GPATCH8: variants seen among roughly 807,000 people sequenced by gnomAD.
GPATCH8 encodes G patch domain-containing protein 8.
In GPATCH8, 18 loss-of-function variants were observed where a neutral mutation model predicts 118.3. The ratio of observed to expected loss-of-function variants is 0.15; its 90% CI spans 0.11 to 0.23. GPATCH8 has a LOEUF of 0.23. GPATCH8 is among the 10% of genes least tolerant of loss of function. The pLI is 1.00. For missense variants in GPATCH8, 1,631 were observed against 1,873.8 expected, an observed-to-expected ratio of 0.87 and a Z score of 2.39; for synonymous variants, 659 against 684.7, an observed-to-expected ratio of 0.96 and a Z score of 0.59.
At chr17:44,437,997 T>TACA (rs2050573444) in intron 3 of GPATCH8, among the ~76,000 whole-genome samples, 1 of 146,526 alleles carries the variant, frequency 6.8e-6, no homozygotes, top group Non-Finnish European at 1.5e-5. Flanking sequence ...TTCTTTTAGA[T>TACA]ACAATCAAAG....
chr17:44,412,741 G>A (rs2049491423), intron 6 of GPATCH8, among the ~76,000 whole-genome samples: 1 of 152,116 alleles, frequency 6.6e-6, no homozygotes, highest in Admixed American at 6.6e-5. Flanking sequence ...CACTATTTCT[G>A]GCTAAGCATA....
chr17:44,444,913 C>T (rs977036124), intron 3 of GPATCH8, among the ~76,000 whole-genome samples: 18 of 152,170 alleles, frequency 1.2e-4, no homozygotes, highest in Non-Finnish European at 2.2e-4. Context: ...ATGTTCGTAG[C>T]GGGTCTGAAA....
In GPATCH8 at chr17:44,398,334, C is replaced by T; in HGVS notation, c.3743G>A (p.Ser1248Asn). ...TISHNYLPDPSDGDTLESLDS... is the reference protein window; with the variant it reads ...TISHNYLPDPNDGDTLESLDS... ...CAGGGACTCCAGGGTGTCCCCATCA[C>T]TGGGGTCGGGGAGGTAGTTATGGGA... The change falls in exon 8 of 8, where the codon AGT (serine) becomes AAT (asparagine). Residue 1248 changes from serine (S) to asparagine (N), a missense_variant. By Grantham distance (46) the Ser-to-Asn change is conservative. Coordinates refer to ENST00000591680, the MANE Select transcript of GPATCH8 (RefSeq NM_001002909.4). 1 of 1,614,096 alleles carries T rather than the reference C, an allele frequency of 6.2e-7. No individual in the cohort carries two copies. The highest frequency in any genetic ancestry group is 8.5e-7 in the Non-Finnish European group (1 of 1,180,008).
Position 44,400,340 on chromosome 17 carries a change from T to A in GPATCH8, c.1737A>T (p.Ser579=). The change falls in exon 8 of 8, where the codon TCA becomes TCT. Residue 579 remains serine, a synonymous_variant. Transcript: ENST00000591680. The part of the protein sequence containing the change: ...CNPLYFDFKL[S]RNKDARTKGT... ...CTTTAGTTCTGGCATCTTTGTTCCTTGAAAGTTTAAAGTCAAAATATAAAG... is the reference window on the plus strand; with the variant it reads ...CTTTAGTTCTGGCATCTTTGTTCCTAGAAAGTTTAAAGTCAAAATATAAAG... The A allele has an allele frequency of 6.2e-7, 1 of 1,614,176 alleles. No individual in the cohort carries two copies. The highest frequency in any genetic ancestry group is 8.5e-7 in the Non-Finnish European group (1 of 1,179,978).
At chr17:44,457,807 C>T (rs960688574) in intron 3 of GPATCH8, among the ~76,000 whole-genome samples, 3 of 152,024 alleles carry the variant, frequency 2.0e-5, no homozygotes, top group South Asian at 2.1e-4. Flanking sequence ...GTTCGCCGGG[C>T]GCAGTGGCTC....
At chr17:44,404,144 ATTCT>A (rs2049131111) in intron 7 of GPATCH8, among the ~76,000 whole-genome samples, 1 of 151,958 alleles carries the variant, frequency 6.6e-6, no homozygotes, top group Admixed American at 6.6e-5. Flanking sequence ...TAAAAAGGGG[ATTCT>A]TTTTTTTGAG....
intron 1 of GPATCH8, among the ~76,000 whole-genome samples, chr17:44,497,878 T>G (rs908986246): frequency 6.6e-6 from 1 of 151,440 alleles, no homozygotes; most frequent in Non-Finnish European, 1.5e-5. Context: ...AGGTGGAGAC[T>G]GCATGAGCCA....
At chr17:44,482,788 AAAACT>A (rs1438936894) in intron 1 of GPATCH8, among the ~76,000 whole-genome samples, 1 of 152,032 alleles carries the variant, frequency 6.6e-6, no homozygotes, top group Non-Finnish European at 1.5e-5. Flanking sequence ...GTTAATTTTC[AAAACT>A]AAACTAAAAA....
chr17:44,402,193 G>A (rs1359855782), intron 7 of GPATCH8, among the ~76,000 whole-genome samples: 1 of 149,950 alleles, frequency 6.7e-6, no homozygotes, highest in Non-Finnish European at 1.5e-5. Context: ...GGTGGCGGGC[G>A]TCTGTAATCC....
intron 3 of GPATCH8, among the ~76,000 whole-genome samples, chr17:44,452,916 C>T (rs951735072): frequency 6.6e-6 from 1 of 151,990 alleles, no homozygotes; most frequent in Admixed American, 6.6e-5. Flanking sequence ...CCTCGTCGAC[C>T]TTCTGGGCTC....
rs1486128982 is a variant in GPATCH8, at chr17:44,424,507, A to T, written c.349-15T>A. 1 of 1,589,286 alleles carries T rather than the reference A, an allele frequency of 6.3e-7. No homozygotes were observed. The highest frequency in any genetic ancestry group is 1.3e-5 in the African/African-American group (1 of 74,490). Reference sequence around the variant, plus strand: ...TCAACATAATCCTTCAAGACCCATGAAATACAAAGAAACAAAAAATGAACT... The same window carrying T: ...TCAACATAATCCTTCAAGACCCATGTAATACAAAGAAACAAAAAATGAACT... On this transcript the variant is annotated splice_polypyrimidine_tract_variant and intron_variant, in intron 5 of 7. Coordinates refer to ENST00000591680, the MANE Select transcript of GPATCH8 (RefSeq NM_001002909.4).
At chr17:44,442,834 T>TGGG (rs36117533) in intron 3 of GPATCH8, among the ~76,000 whole-genome samples, 2,775 of 152,268 alleles carry the variant, frequency 0.018, 91 homozygotes, top group African/African-American at 0.064. Context: ...TCCCAGCACT[T>TGGG]GGGGAGGCCA....
At chr17:44,422,817 G>A (rs2049959597) in intron 6 of GPATCH8, among the ~76,000 whole-genome samples, 1 of 151,874 alleles carries the variant, frequency 6.6e-6, no homozygotes, top group African/African-American at 2.4e-5. Context: ...TGAAAAACTG[G>A]AAAAGGTCCT....
chr17:44,451,520 TAA>T (rs1412638859), intron 3 of GPATCH8, among the ~76,000 whole-genome samples: 1 of 152,126 alleles, frequency 6.6e-6, no homozygotes, highest in African/African-American at 2.4e-5. Flanking sequence ...CTGAATTAGG[TAA>T]AAGAGACACA....
intron 7 of GPATCH8, among the ~76,000 whole-genome samples, chr17:44,401,835 C>T (rs1224688769): frequency 6.6e-6 from 1 of 151,924 alleles, no homozygotes; most frequent in African/African-American, 2.4e-5. Flanking sequence ...GAAACCCTGT[C>T]TCTACTAAAA....
intron 1 of GPATCH8, among the ~76,000 whole-genome samples, chr17:44,493,217 T>A (rs1969412756): frequency 6.6e-6 from 1 of 152,086 alleles, no homozygotes; most frequent in Non-Finnish European, 1.5e-5. Context: ...TGCACCACTA[T>A]GCTCAGCTAA....
Position 44,399,067 on chromosome 17 carries a change from C to A in GPATCH8, c.3010G>T (p.Gly1004Cys), listed in dbSNP as rs2048897325. 5 of 1,614,122 alleles carry A rather than the reference C, an allele frequency of 3.1e-6. No homozygotes were observed. Among genetic ancestry groups the A allele is most frequent in the Non-Finnish European group, 4.2e-6 (5 of 1,180,024 alleles). Residue 1004 changes from glycine (G) to cysteine (C), a missense_variant, in exon 8 of 8, where the codon GGC becomes TGC. Around this residue, in one of 8 missense-constraint regions of GPATCH8, gnomAD observed 922 missense variants for 879.7 expected, o/e 1.05. Transcript: ENST00000591680. ...TGACCCCATGATCTCTTCCTGGAGC[C>A]TGATCTCTGGGAAGGGCTCCTGGTG... The part of the protein sequence containing the change: ...RSTRSPSQRS[G>C]SRKRSWGHES...
chr17:44,444,543 CAG>C (rs2050807484), intron 3 of GPATCH8, among the ~76,000 whole-genome samples: 1 of 151,986 alleles, frequency 6.6e-6, no homozygotes, highest in Non-Finnish European at 1.5e-5. Context: ...GAGGCCAAGG[CAG>C]GCAGACTACT....
rs1293896575 is a variant in GPATCH8, at chr17:44,401,150, A to G, written c.927T>C (p.Pro309=). 1 of 1,614,170 alleles carries G rather than the reference A, an allele frequency of 6.2e-7. No individual in the cohort carries two copies. The highest frequency in any genetic ancestry group is 8.5e-7 in the Non-Finnish European group (1 of 1,179,994). ...CTGATGCTATTGATTCGAGTTTGAC[A>G]GGAGCCTTTTTGGCAAAAGAAAATG... ...GVSFSFAKKA[P]VKLESIASVF... is the part of the protein sequence containing the mutation. Residue 309 remains proline (P), a synonymous_variant, in exon 8 of 8, where the codon CCT becomes CCC. Coordinates refer to ENST00000591680, the MANE Select transcript of GPATCH8 (RefSeq NM_001002909.4).
Sources: gnomAD v4.1 joint callset for allele counts (sites outside exome capture counted in the v4.1 genomes callset) on GRCh38, gnomAD v4.1.1 for gene constraint, gnomAD v4.1.1 regional missense constraint, MANE v1.5 for transcripts, NCBI Gene and HGNC (gene_info 2026-07-23, HGNC 2026-07-21) for gene names.